Variants in CDK7 observed in about 807,000 individuals in gnomAD.
CDK7 encodes cyclin-dependent kinase 7.
A neutral mutation model predicts 49.1 loss-of-function variants in CDK7; 25 were observed. The ratio of observed to expected loss-of-function variants is 0.51; its 90% CI spans 0.37 to 0.71. The LOEUF is 0.71. Among genes scored for constraint, CDK7 ranks in the 30% least tolerant of loss-of-function variants. CDK7 has a pLI of 0.00. For synonymous variants in CDK7, 107 were observed against 140.0 expected, an observed-to-expected ratio of 0.76 and a Z score of 1.67; for missense variants, 316 against 411.7, an observed-to-expected ratio of 0.77 and a Z score of 2.01.
chr5:69,250,767 C>T (rs1197295714), intron 2 of CDK7: 1 of 456,710 alleles, frequency 2.2e-6, no homozygotes, highest in East Asian at 7.0e-5. Context: ...GTAGCCACTA[C>T]AGCTGTGAAT....
At position 69,264,416 on chromosome 5, in the gene CDK7, A is replaced by C. The variant is rs372679704; in HGVS notation, c.627+2112A>C. Among the ~76,000 whole-genome samples the C allele has an allele frequency of 2.1e-4, 32 of 152,326 alleles. No homozygotes were observed. The South Asian group carries it at 6.4e-3, about 31-fold the overall frequency. On this transcript the variant is annotated intron_variant, in intron 8 of 11. Coordinates refer to ENST00000256443, the MANE Select transcript of CDK7 (RefSeq NM_001799.4). ...AAGAGATGGCTAGGCACAGTGGTAC[A>C]TACCTGTGGTCCCAGCTACGTGCGA...
chr5:69,273,239 G>C (rs768855210), intron 10 of CDK7, among the ~76,000 whole-genome samples, 198 bp downstream of exon 10: 3 of 151,914 alleles, frequency 2.0e-5, no homozygotes, highest in Admixed American at 6.6e-5. Context: ...TATGCACACA[G>C]AGATACAGGA....
At chr5:69,274,008 A>G (rs1751848835) in intron 10 of CDK7, among the ~76,000 whole-genome samples, 1 of 152,122 alleles carries the variant, frequency 6.6e-6, no homozygotes. Context: ...TATTATTTTT[A>G]TGTCCATGTG....
intron 2 of CDK7, among the ~76,000 whole-genome samples, chr5:69,235,737 T>G (rs1359563144): frequency 6.6e-6 from 1 of 152,228 alleles, no homozygotes; most frequent in Non-Finnish European, 1.5e-5. Context: ...CTCAGAACTA[T>G]TGGATACCAT....
At chr5:69,240,218 T>G (rs988264357) in intron 2 of CDK7, among the ~76,000 whole-genome samples, 5 of 152,214 alleles carry the variant, frequency 3.3e-5, no homozygotes, top group Admixed American at 3.3e-4. Flanking sequence ...ACAGTGACTT[T>G]AAGAAGTCTT....
At chr5:69,242,061 C>G (rs1214692122) in intron 2 of CDK7, among the ~76,000 whole-genome samples, 1 of 152,114 alleles carries the variant, frequency 6.6e-6, no homozygotes, top group Non-Finnish European at 1.5e-5. Flanking sequence ...GTCTTTAATC[C>G]ATTTTGATTT....
chr5:69,271,237 C>A (rs1342741969), intron 9 of CDK7, among the ~76,000 whole-genome samples: 1 of 152,072 alleles, frequency 6.6e-6, no homozygotes, highest in Non-Finnish European at 1.5e-5. Flanking sequence ...AATATCTTTT[C>A]TTGTGGTTAT....
rs551300728 is a variant in CDK7, at chr5:69,235,430, A to C, written c.103A>C (p.Asn35His). 1.9e-6 allele frequency: 3 copies of C among 1,603,324 alleles called. No individual in the cohort carries two copies. Among genetic ancestry groups the C allele is most frequent in the East Asian group, 4.5e-5 (2 of 44,842 alleles). Residue 35 changes from asparagine (N) to histidine (H), a missense_variant, in exon 2 of 12, where the codon AAC becomes CAC. Transcript: ENST00000256443. Reference sequence around the variant, plus strand: ...TTACAAGGCCAGAGATAAGAACACCAACCAAATTGTCGCCATTAAGAAAGT... The same window carrying C: ...TTACAAGGCCAGAGATAAGAACACCCACCAAATTGTCGCCATTAAGAAAGT... ...TVYKARDKNT[N>H]QIVAIKKIKL...
intron 7 of CDK7, among the ~76,000 whole-genome samples, chr5:69,261,522 GTGTA>G (rs1165276656): frequency 2.8e-5 from 4 of 144,874 alleles, no homozygotes; most frequent in Admixed American, 7.0e-5. Flanking sequence ...GTGTGTGTGT[GTGTA>G]TGTGTGTGTG....
intron 7 of CDK7, among the ~76,000 whole-genome samples, chr5:69,261,540 T>G (rs1364982742): frequency 2.6e-5 from 3 of 113,476 alleles, no homozygotes; most frequent in East Asian, 3.1e-4. Flanking sequence ...GTGTGTGGTG[T>G]TTTGTTTTGA....
intron 6 of CDK7, 106 bp downstream of exon 6, chr5:69,258,259 A>C: frequency 3.5e-6 from 2 of 579,182 alleles, no homozygotes; most frequent in Admixed American, 3.8e-5. Context: ...TTTATAGCTG[A>C]CTGTTTTATC....
intron 10 of CDK7, among the ~76,000 whole-genome samples, chr5:69,274,367 G>C (rs928799918): frequency 6.6e-6 from 1 of 152,184 alleles, no homozygotes. Context: ...CGGTGCATCG[G>C]CTCACACCTG....
intron 2 of CDK7, among the ~76,000 whole-genome samples, chr5:69,241,543 C>T (rs1055317924): frequency 1.3e-5 from 2 of 151,934 alleles, no homozygotes; most frequent in Non-Finnish European, 2.9e-5. Flanking sequence ...CCAGGCTGGT[C>T]TCGAACTCCT....
intron 8 of CDK7, among the ~76,000 whole-genome samples, chr5:69,267,533 T>C (rs1164354461): frequency 1.3e-5 from 2 of 151,930 alleles, no homozygotes; most frequent in South Asian, 4.1e-4. Context: ...CTAGCCTCAA[T>C]TGATCCACTC....
At chr5:69,273,277 G>T (rs981511889) in intron 10 of CDK7, among the ~76,000 whole-genome samples, 3 of 151,670 alleles carry the variant, frequency 2.0e-5, no homozygotes, top group Non-Finnish European at 4.4e-5. Flanking sequence ...ACTTGCTTAG[G>T]GACATTTAAA....
At chr5:69,250,336 T>C (rs533206497) in intron 2 of CDK7, among the ~76,000 whole-genome samples, 3 of 152,360 alleles carry the variant, frequency 2.0e-5, no homozygotes, top group South Asian at 2.1e-4. Flanking sequence ...TATAGACTTA[T>C]AGAGGTACCA....
chr5:69,235,157 G>C (rs1055779511), intron 1 of CDK7, 116 bp downstream of exon 1: 2 of 1,020,038 alleles, frequency 2.0e-6, no homozygotes. Context: ...GTTCTCGTTG[G>C]GGGAAACCGT....
At position 69,276,818 on chromosome 5, in the gene CDK7, T is replaced by G. The variant is rs114027758; in HGVS notation, c.1012+128T>G. On this transcript the variant is annotated intron_variant, in intron 11 of 11. Transcript: ENST00000256443. ...GCTATTTAATTTTTATAAATTTAAT[T>G]GTATAAAGTAGAGAGACTGTGCCGT... 14,929 of 846,164 alleles carry G rather than the reference T, an allele frequency of 0.018. 312 individuals are homozygous for G. Among genetic ancestry groups the G allele is most frequent in the Admixed American group, 0.1 (3,632 of 34,686 alleles). The allele number at this position is 846,164 out of a possible 1,614,324, so 52.4% of individuals were successfully genotyped here. A position where few individuals can be genotyped will look rare whatever the true frequency, so the allele number is the denominator to read the frequency against.
At chr5:69,235,323 A>G in intron 1 of CDK7, 71 bp from the exon 2 acceptor site, 1 of 1,196,638 alleles carries the variant, frequency 8.4e-7, no homozygotes, top group Non-Finnish European at 1.2e-6. Flanking sequence ...TTGCTTCGCG[A>G]AATGTAAAAA....
Sources: allele counts gnomAD v4.1 joint callset (sites outside exome capture counted in the v4.1 genomes callset), GRCh38; gene constraint gnomAD v4.1.1; transcripts MANE v1.5; gene names NCBI Gene and HGNC (gene_info 2026-07-23, HGNC 2026-07-21).